The following BLZF1 variants were observed in gnomAD, a reference collection of about 807,000 sequenced individuals.
The protein encoded by BLZF1 is golgin-45.
BLZF1 carries 39 observed loss-of-function variants against 43.8 expected under a neutral mutation model. The observed-to-expected ratio is 0.89, with a 90% confidence interval of 0.69 to 1.16. The LOEUF (loss-of-function observed/expected upper bound fraction) is 1.16, where lower values mean the gene tolerates loss of function less well. BLZF1 is among the 50% of genes most tolerant of loss of function. The probability of loss-of-function intolerance (pLI) is 0.00; values close to 1 mark genes in which losing one functional copy is unlikely to be tolerated. For missense variants in BLZF1, 449 were observed against 469.8 expected, an observed-to-expected ratio of 0.96 and a Z score of 0.41; for synonymous variants, 136 against 159.4, an observed-to-expected ratio of 0.85 and a Z score of 1.11.
Position 169,387,316 on chromosome 1 carries a change from T to G in BLZF1, c.*134T>G. 1 of 741,360 alleles carries G rather than the reference T, an allele frequency of 1.3e-6. No homozygotes were observed. Among genetic ancestry groups the G allele is most frequent in the Non-Finnish European group, 2.1e-6 (1 of 472,922 alleles). 45.9% of individuals were successfully genotyped at this position (741,360 alleles called of 1,614,324 possible). A position where few individuals can be genotyped will look rare whatever the true frequency, so the allele number is the denominator to read the frequency against. ...ACATAATGTATACACCCAAAGATAT[T>G]TTATGTACTAGACTCCAGATTACCC... On this transcript the variant is annotated 3_prime_UTR_variant, in exon 7 of 7. Transcript: ENST00000367808.
downstream of BLZF1, among the ~76,000 whole-genome samples, chr1:169,392,653 A>G (rs747342876): frequency 2.0e-5 from 3 of 152,150 alleles, no homozygotes; most frequent in African/African-American, 7.2e-5. Flanking sequence ...TGAAATGACT[A>G]ATGTCTGGGG....
intron 6 of BLZF1, among the ~76,000 whole-genome samples, chr1:169,386,788 A>G (rs1413679396): frequency 6.6e-6 from 1 of 152,146 alleles, no homozygotes; most frequent in African/African-American, 2.4e-5. Context: ...AAAAATATGT[A>G]ACCTAGATAA....
downstream of BLZF1, among the ~76,000 whole-genome samples, chr1:169,391,720 A>T (rs139456129): frequency 0.053 from 8,082 of 152,276 alleles, 262 homozygotes; most frequent in Middle Eastern, 0.11. Flanking sequence ...TTAATCTATA[A>T]CTAAGGTCTG....
intron 4 of BLZF1, 72 bp from the exon 5 acceptor site, chr1:169,380,407 CAA>C: frequency 4.4e-6 from 6 of 1,369,262 alleles, no homozygotes; most frequent in Non-Finnish European, 6.0e-6. Flanking sequence ...GTGACAGTCA[CAA>C]AGTAGTATAT....
chr1:169,395,226 C>T, intron 7 of BLZF1: 2 of 1,603,582 alleles, frequency 1.2e-6, no homozygotes, highest in Non-Finnish European at 1.7e-6. Context: ...CAGGCATGAT[C>T]AGATTTGGTG....
At chr1:169,389,994 A>C (rs890334807), downstream of BLZF1, among the ~76,000 whole-genome samples, 2 of 152,220 alleles carry the variant, frequency 1.3e-5, no homozygotes, top group Non-Finnish European at 2.9e-5. Context: ...AGAGATTGGG[A>C]TGACAAAAAT....
At chr1:169,380,780 G>C (rs1312592559) in intron 5 of BLZF1, among the ~76,000 whole-genome samples, 171 bp downstream of exon 5, 1 of 152,010 alleles carries the variant, frequency 6.6e-6, no homozygotes, top group East Asian at 1.9e-4. Context: ...GGAGGGAAGA[G>C]GACTGAAAAA....
chr1:169,372,106 A>G (rs1654140167), intron 2 of BLZF1, among the ~76,000 whole-genome samples: 1 of 152,210 alleles, frequency 6.6e-6, no homozygotes, highest in African/African-American at 2.4e-5. Flanking sequence ...GAATGCTTAG[A>G]TTCCACTTCA....
intron 2 of BLZF1, among the ~76,000 whole-genome samples, chr1:169,370,140 T>G (rs1654062229): frequency 6.6e-6 from 1 of 152,236 alleles, no homozygotes; most frequent in Non-Finnish European, 1.5e-5. Flanking sequence ...GCCTTCATAT[T>G]CACATGGCAT....
At chr1:169,393,116 G>C (rs1372459572), downstream of BLZF1, among the ~76,000 whole-genome samples, 3 of 152,158 alleles carry the variant, frequency 2.0e-5, no homozygotes, top group Non-Finnish European at 4.4e-5. Context: ...GTTAGCGTCA[G>C]AATTGAATTG....
At chr1:169,395,205 A>G (rs1470095088) in intron 7 of BLZF1, 4 of 1,609,532 alleles carry the variant, frequency 2.5e-6, no homozygotes, top group East Asian at 4.5e-5. Flanking sequence ...CTTCTTAACC[A>G]TCTGTAGAAA....
intron 2 of BLZF1, among the ~76,000 whole-genome samples, chr1:169,370,635 G>T (rs1034146820): frequency 2.0e-5 from 3 of 152,194 alleles, no homozygotes; most frequent in Non-Finnish European, 4.4e-5. Context: ...AATATGGCGA[G>T]TAGCTATTTC....
Position 169,387,039 on chromosome 1 carries a change from C to T in BLZF1, c.1060C>T (p.Pro354Ser), listed in dbSNP as rs1285865910. The T allele has an allele frequency of 6.2e-7, 1 of 1,612,564 alleles. No individual in the cohort carries two copies. Among genetic ancestry groups the T allele is most frequent in the Non-Finnish European group, 8.5e-7 (1 of 1,179,370 alleles). Residue 354 changes from proline to serine, a missense_variant, in exon 7 of 7, where the codon CCT becomes TCT. Coordinates refer to ENST00000367808, the MANE Select transcript of BLZF1 (RefSeq NM_001320973.2). Reference sequence around the variant, plus strand: ...TCCAGTTACCTGCAAAGAGAGTTCACCTGATAATCCATTTTTTGAGTCTTC... The same window carrying T: ...TCCAGTTACCTGCAAAGAGAGTTCATCTGATAATCCATTTTTTGAGTCTTC... ...LDPVTCKESS[P>S]DNPFFESSPT...
At chr1:169,375,680 A>G (rs907670861) in intron 2 of BLZF1, among the ~76,000 whole-genome samples, 5 of 151,444 alleles carry the variant, frequency 3.3e-5, no homozygotes, top group Non-Finnish European at 5.9e-5. Context: ...GGTACCCAGC[A>G]TCATGTTTGC....
At chr1:169,393,043 A>C (rs1165236578), downstream of BLZF1, among the ~76,000 whole-genome samples, 9 of 152,076 alleles carry the variant, frequency 5.9e-5, no homozygotes, top group Non-Finnish European at 1.2e-4. Context: ...TTTGCAATTG[A>C]TGTCTGAAGT....
In BLZF1 at chr1:169,387,213, C is replaced by T; in HGVS notation, c.*31C>T. On this transcript the variant is annotated 3_prime_UTR_variant, in exon 7 of 7. Transcript: ENST00000367808. ...AATATGTTGGAGGCATGCTAAGGTACTTCCTTATTACCCAAGAGTCATTAT... is the reference window on the plus strand; with the variant it reads ...AATATGTTGGAGGCATGCTAAGGTATTTCCTTATTACCCAAGAGTCATTAT... 5 of 1,585,066 alleles carry T rather than the reference C, an allele frequency of 3.2e-6. No homozygotes were observed. The highest frequency in any genetic ancestry group is 4.3e-6 in the Non-Finnish European group (5 of 1,163,320).
At chr1:169,369,314 C>T (rs1218035013) in intron 1 of BLZF1, among the ~76,000 whole-genome samples, 159 bp from the exon 2 acceptor site, 1 of 151,536 alleles carries the variant, frequency 6.6e-6, no homozygotes, top group African/African-American at 2.4e-5. Flanking sequence ...GTAGACATAA[C>T]AATGCCTTCT....
intron 5 of BLZF1, among the ~76,000 whole-genome samples, chr1:169,381,038 C>G (rs767389364): frequency 6.6e-6 from 1 of 151,954 alleles, no homozygotes; most frequent in Non-Finnish European, 1.5e-5. Flanking sequence ...CCTTAAAAGC[C>G]TTTTGCATTT....
At position 169,387,489 on chromosome 1, in the gene BLZF1, T is replaced by C. The variant is rs575169790; in HGVS notation, c.*307T>C. 4 of 208,196 alleles carry C rather than the reference T, an allele frequency of 1.9e-5. No individual in the cohort carries two copies. Among genetic ancestry groups the C allele is most frequent in the East Asian group, 2.7e-4 (2 of 7,518 alleles). The allele number at this position is 208,196 out of a possible 1,614,324, so 12.9% of individuals were successfully genotyped here. On this transcript the variant is annotated 3_prime_UTR_variant, in exon 7 of 7. Transcript: ENST00000367808. Reference sequence around the variant, plus strand: ...GTAACTCTCTTTTAGCACCAAATTATTGTTTATCTTGCTGGATATTTTATA... The same window carrying C: ...GTAACTCTCTTTTAGCACCAAATTACTGTTTATCTTGCTGGATATTTTATA...
Sources: allele counts gnomAD v4.1 joint callset (sites outside exome capture counted in the v4.1 genomes callset), GRCh38; gene constraint gnomAD v4.1.1; transcripts MANE v1.5; gene names NCBI Gene and HGNC (gene_info 2026-07-23, HGNC 2026-07-21).